Variants in MARCHF1 observed in about 807,000 individuals in gnomAD.
MARCHF1 encodes E3 ubiquitin-protein ligase MARCHF1.
Under a neutral mutation model 54.2 loss-of-function variants are expected in MARCHF1, and 40 were observed. That is an observed-to-expected ratio of 0.74 (90% confidence interval 0.57 to 0.96). The LOEUF (loss-of-function observed/expected upper bound fraction) is 0.96, where lower values mean the gene tolerates loss of function less well. MARCHF1 is among the 40% of genes least tolerant of loss of function. The pLI is 0.00. For synonymous variants in MARCHF1, 236 were observed against 236.3 expected (o/e 1.00, Z 0.01); for missense variants, 586 against 656.5 (o/e 0.89, Z 1.17).
At chr4:164,144,386 C>G (rs1287839227) in intron 1 of MARCHF1, among the ~76,000 whole-genome samples, 1 of 150,882 alleles carries the variant, frequency 6.6e-6, no homozygotes, top group Non-Finnish European at 1.5e-5. Flanking sequence ...CAGCACCACA[C>G]CACACCTATT....
At chr4:164,335,174 G>A (rs1019731206) in intron 1 of MARCHF1, among the ~76,000 whole-genome samples, 1 of 152,170 alleles carries the variant, frequency 6.6e-6, no homozygotes, top group Non-Finnish European at 1.5e-5. Flanking sequence ...TGAGAGGGTT[G>A]ACTTCAATTT....
intron 3 of MARCHF1, among the ~76,000 whole-genome samples, chr4:163,961,514 T>C (rs552940676): frequency 6.6e-6 from 1 of 152,080 alleles, no homozygotes; most frequent in East Asian, 1.9e-4. Flanking sequence ...AGAAGAGTCA[T>C]ATGAGATGGT....
chr4:164,378,180 G>A lies in MARCHF1; in HGVS notation c.-323+5690C>T, dbSNP rs569992526. ...TTTTTTCCCCGGGATGAAGAGTGGGGGCAATTGCCAATCTGGAAAGACAGT... is the reference window on the plus strand; with the variant it reads ...TTTTTTCCCCGGGATGAAGAGTGGGAGCAATTGCCAATCTGGAAAGACAGT... On this transcript the variant is annotated intron_variant, in intron 1 of 9. Transcript: ENST00000514618. Among the ~76,000 whole-genome samples, 5 of 152,270 alleles carry A rather than the reference G, an allele frequency of 3.3e-5. No individual in the cohort carries two copies. The South Asian group carries it at 8.3e-4, about 25-fold the overall frequency.
intron 4 of MARCHF1, among the ~76,000 whole-genome samples, chr4:163,715,987 A>C (rs1745243789): frequency 6.6e-6 from 1 of 152,234 alleles, no homozygotes; most frequent in Admixed American, 6.5e-5. Context: ...CAGAATTTTC[A>C]TCAAGATAAT....
At chr4:163,842,389 T>A (rs1749365336) in intron 4 of MARCHF1, among the ~76,000 whole-genome samples, 1 of 150,538 alleles carries the variant, frequency 6.6e-6, no homozygotes, top group East Asian at 1.9e-4. Context: ...TAGAGAATAT[T>A]ACATATATAT....
rs1267002281 is a variant in MARCHF1 at position 163,612,275 on chromosome 4, A to G, written c.1006T>C (p.Cys336Arg). The G allele has an allele frequency of 4.0e-6, 6 of 1,497,684 alleles. No homozygotes were observed. Among genetic ancestry groups the G allele is most frequent in the Admixed American group, 4.7e-5 (2 of 42,816 alleles). 92.8% of individuals were successfully genotyped at this position (1,497,684 alleles called of 1,614,324 possible). A position where few individuals can be genotyped will look rare whatever the true frequency, so the allele number is the denominator to read the frequency against. Residue 336 changes from cysteine to arginine, a missense_variant, in exon 7 of 10, where the codon TGC becomes CGC. Transcript: ENST00000514618. ...CCTTTCTCTACAGTGACTGACCTGCATACTTCTAAATTATCAGACCCATCG... is the reference window on the plus strand; with the variant it reads ...CCTTTCTCTACAGTGACTGACCTGCGTACTTCTAAATTATCAGACCCATCG... ...YDDGSDNLEVCRICHCEGDEE... is the reference protein window; with the variant it reads ...YDDGSDNLEVRRICHCEGDEE...
At chr4:163,771,265 C>T (rs1383496912) in intron 4 of MARCHF1, among the ~76,000 whole-genome samples, 2 of 152,098 alleles carry the variant, frequency 1.3e-5, no homozygotes, top group Non-Finnish European at 2.9e-5. Flanking sequence ...CTACGATGTA[C>T]GGGACACAGC....
In MARCHF1 at chr4:163,807,066, C is replaced by T. The variant is rs182777267; in HGVS notation, c.111+46955G>A. Among the ~76,000 whole-genome samples the T allele has an allele frequency of 2.3e-3, 347 of 151,950 alleles. 2 individuals are homozygous for T. Among genetic ancestry groups the T allele is most frequent in the African/African-American group, 7.9e-3 (327 of 41,466 alleles). ...CAGAAACTTCAGTTTGTCAAAAATC[C>T]GAAACAAAATAATAATTGGATCAAA... On this transcript the variant is annotated intron_variant, in intron 4 of 9. Transcript: ENST00000514618.
chr4:163,857,583 T>C (rs898607983), intron 3 of MARCHF1, among the ~76,000 whole-genome samples: 77 of 152,206 alleles, frequency 5.1e-4, no homozygotes, highest in Non-Finnish European at 1.2e-4. Context: ...ACTTATATAA[T>C]GATCACAGGA....
Position 164,034,211 on chromosome 4 carries a change from C to G in MARCHF1, c.-247-45502G>C, listed in dbSNP as rs140118208. ...ATGGATGAAGCTGGAAGCCATCATC[C>G]TCAGCAAACTAACATGGGAATAGAA... On this transcript the variant is annotated intron_variant, in intron 2 of 9. Coordinates refer to ENST00000514618, the MANE Select transcript of MARCHF1 (RefSeq NM_001394959.1). Among the ~76,000 whole-genome samples, 345 of 152,182 alleles carry G rather than the reference C, an allele frequency of 2.3e-3. 2 individuals are homozygous for G. The highest frequency in any genetic ancestry group is 8.0e-3 in the African/African-American group (331 of 41,518).
intron 4 of MARCHF1, among the ~76,000 whole-genome samples, chr4:163,813,172 G>A (rs1157088344): frequency 2.0e-5 from 3 of 152,132 alleles, no homozygotes; most frequent in Non-Finnish European, 4.4e-5. Flanking sequence ...ACTTCCAGTG[G>A]TTTTCTGAAA....
chr4:163,712,575 C>T (rs544042731), intron 4 of MARCHF1, among the ~76,000 whole-genome samples: 2 of 152,126 alleles, frequency 1.3e-5, no homozygotes, highest in African/African-American at 4.8e-5. Flanking sequence ...TCTCTTCTTG[C>T]GTCTTACTCC....
intron 5 of MARCHF1, among the ~76,000 whole-genome samples, chr4:163,624,791 CCTTT>C (rs2110970242): frequency 6.6e-6 from 1 of 152,342 alleles, no homozygotes; most frequent in Non-Finnish European, 1.5e-5. Flanking sequence ...CAGAACTTGG[CCTTT>C]CTTTCAATTC....
At chr4:163,662,083 T>C (rs910938705) in intron 5 of MARCHF1, among the ~76,000 whole-genome samples, 31 of 152,182 alleles carry the variant, frequency 2.0e-4, no homozygotes, top group Middle Eastern at 6.8e-3. Context: ...TTTCTTCCTT[T>C]TTTGGTATGT....
chr4:164,184,171 G>T (rs1013701033), intron 1 of MARCHF1, among the ~76,000 whole-genome samples: 2 of 152,154 alleles, frequency 1.3e-5, no homozygotes, highest in Non-Finnish European at 2.9e-5. Context: ...TGTAAAGCTG[G>T]TTTGCTCAAC....
chr4:164,111,990 A>C (rs1755842436), intron 1 of MARCHF1, among the ~76,000 whole-genome samples: 1 of 151,890 alleles, frequency 6.6e-6, no homozygotes, highest in Non-Finnish European at 1.5e-5. Context: ...ATGTACTGCC[A>C]AACAATGTAA....
intron 1 of MARCHF1, among the ~76,000 whole-genome samples, chr4:164,255,658 T>C (rs1733259190): frequency 6.6e-6 from 1 of 151,972 alleles, no homozygotes; most frequent in Non-Finnish European, 1.5e-5. Context: ...TGTTGAATTT[T>C]TAAAATAAAA....
At chr4:163,606,844 C>T (rs1398711600) in intron 7 of MARCHF1, among the ~76,000 whole-genome samples, 1 of 152,060 alleles carries the variant, frequency 6.6e-6, no homozygotes, top group Non-Finnish European at 1.5e-5. Context: ...AGTCCAACCA[C>T]AATACCCTAT....
intron 1 of MARCHF1, among the ~76,000 whole-genome samples, chr4:164,155,837 T>C (rs1730063510): frequency 6.6e-6 from 1 of 152,146 alleles, no homozygotes. Context: ...GAGATTTTTG[T>C]GTAAAGCAAA....
Sources: allele counts gnomAD v4.1 joint callset (sites outside exome capture counted in the v4.1 genomes callset), GRCh38; gene constraint gnomAD v4.1.1; transcripts MANE v1.5; gene names NCBI Gene and HGNC (gene_info 2026-07-23, HGNC 2026-07-21).